The following ATG4C variants were observed in gnomAD, a reference collection of about 807,000 sequenced individuals.
ATG4C encodes the protein autophagy related 4C cysteine peptidase, also known as cysteine protease ATG4C.
A neutral mutation model predicts 57.6 loss-of-function variants in ATG4C; 56 were observed. The ratio of observed to expected loss-of-function variants is 0.97; its 90% CI spans 0.78 to 1.21. The LOEUF (loss-of-function observed/expected upper bound fraction) is 1.21, where lower values mean the gene tolerates loss of function less well. Ranked by LOEUF, ATG4C falls within the 50% of genes most tolerant of loss-of-function variation. The pLI, the probability that ATG4C is intolerant of heterozygous loss-of-function variation, is 0.00. For missense variants in ATG4C, 595 were observed against 529.8 expected (o/e 1.12, Z -1.21); for synonymous variants, 157 against 174.1 (o/e 0.90, Z 0.78).
At chr1:62,824,653 C>T (rs892195668) in intron 6 of ATG4C, among the ~76,000 whole-genome samples, 2 of 148,556 alleles carry the variant, frequency 1.3e-5, no homozygotes, top group African/African-American at 5.0e-5. Flanking sequence ...CTGCTCTTTT[C>T]TCTTTCTCTC....
chr1:62,832,361 A>C (rs1356652679), intron 7 of ATG4C, among the ~76,000 whole-genome samples: 1 of 152,122 alleles, frequency 6.6e-6, no homozygotes, highest in African/African-American at 2.4e-5. Context: ...AGAGAACAGA[A>C]ATTTATTCTC....
intron 3 of ATG4C, among the ~76,000 whole-genome samples, chr1:62,809,511 A>C (rs1664998640): frequency 1.4e-5 from 2 of 147,332 alleles, no homozygotes. Flanking sequence ...ATAGTCTACA[A>C]TTATAATTAT....
In ATG4C at chr1:62,834,021, T is replaced by C; in HGVS notation, c.934-17T>C. The C allele has an allele frequency of 1.9e-6, 3 of 1,606,770 alleles. No individual in the cohort carries two copies. Among genetic ancestry groups the C allele is most frequent in the Non-Finnish European group, 2.6e-6 (3 of 1,176,208 alleles). ...CACTTGCCTCTTGACTAAATCTGTA[T>C]TAATTTTTTTTGGCAGGGTATTTTA... On this transcript the variant is annotated splice_polypyrimidine_tract_variant and intron_variant, in intron 7 of 10. Coordinates refer to ENST00000317868, the MANE Select transcript of ATG4C (RefSeq NM_032852.4).
chr1:62,850,879 TA>T, intron 10 of ATG4C, among the ~76,000 whole-genome samples: 1 of 76,668 alleles, frequency 1.3e-5, no homozygotes, highest in African/African-American at 5.7e-5. Context: ...TATATATATA[TA>T]TATATATATA....
chr1:62,847,776 T>C (rs1166183230), intron 10 of ATG4C, among the ~76,000 whole-genome samples: 1 of 152,120 alleles, frequency 6.6e-6, no homozygotes, highest in African/African-American at 2.4e-5. Flanking sequence ...TTTATTTCGT[T>C]GAAATGGTCA....
chr1:62,856,055 T>C (rs1240743727), intron 10 of ATG4C, among the ~76,000 whole-genome samples: 1 of 152,230 alleles, frequency 6.6e-6, no homozygotes, highest in Non-Finnish European at 1.5e-5. Flanking sequence ...AGGTTTGCTC[T>C]GTAGTCTTAT....
chr1:62,810,681 A>G (rs1418597887), intron 3 of ATG4C, among the ~76,000 whole-genome samples: 1 of 150,948 alleles, frequency 6.6e-6, no homozygotes, highest in Non-Finnish European at 1.5e-5. Context: ...AGTATCAGAT[A>G]GGAAGCTAGC....
chr1:62,853,138 T>C (rs1219807098), intron 10 of ATG4C, among the ~76,000 whole-genome samples: 1 of 152,246 alleles, frequency 6.6e-6, no homozygotes, highest in Non-Finnish European at 1.5e-5. Context: ...AATTTTCCCC[T>C]GAACTTTAGA....
chr1:62,850,854 GTATATATATATATATATATA>G lies in ATG4C; in HGVS notation c.1209+9336_1209+9355del, dbSNP rs1161449502. On this transcript the variant is annotated intron_variant, in intron 10 of 10. Transcript: ENST00000317868. ...CATGTATGTATGTGTGTGTATGTAT[GTATATATATATATATATATA>G]TATATATATATATATATATATATAT... Among the ~76,000 whole-genome samples the G allele has an allele frequency of 9.0e-4, 76 of 84,152 alleles. 1 individual carries two copies. The highest frequency in any genetic ancestry group is 3.6e-3 in the South Asian group (6 of 1,686). The allele number at this position is 84,152 out of a possible 152,430, so 55.2% of individuals were successfully genotyped here.
intron 9 of ATG4C, among the ~76,000 whole-genome samples, chr1:62,838,200 G>A (rs1666054075): frequency 6.6e-6 from 1 of 151,840 alleles, no homozygotes; most frequent in African/African-American, 2.4e-5. Context: ...GAAATAAATG[G>A]GAATTGATTC....
chr1:62,857,101 T>C (rs1469859904), intron 10 of ATG4C, among the ~76,000 whole-genome samples: 10 of 152,148 alleles, frequency 6.6e-5, no homozygotes, highest in Non-Finnish European at 1.5e-4. Context: ...TGGCTCCTTA[T>C]TGTCATTCAC....
chr1:62,828,061 C>T (rs1426897328), intron 6 of ATG4C, among the ~76,000 whole-genome samples: 2 of 151,954 alleles, frequency 1.3e-5, no homozygotes, highest in Non-Finnish European at 2.9e-5. Context: ...GAGATGGGCA[C>T]TTAGGTTGAT....
chr1:62,805,131 A>G, intron 2 of ATG4C, 41 bp from the exon 3 acceptor site: 2 of 1,509,090 alleles, frequency 1.3e-6, no homozygotes, highest in Non-Finnish European at 8.8e-7. Flanking sequence ...GAAATCTTTT[A>G]ATTACAAAAC....
chr1:62,792,762 G>A (rs1285189847), intron 1 of ATG4C, among the ~76,000 whole-genome samples: 1 of 152,158 alleles, frequency 6.6e-6, no homozygotes, highest in Non-Finnish European at 1.5e-5. Flanking sequence ...CAGAGGCTGA[G>A]GGACTGCAGT....
At chr1:62,861,689 A>G (rs988909008) in intron 10 of ATG4C, among the ~76,000 whole-genome samples, 1 of 151,992 alleles carries the variant, frequency 6.6e-6, no homozygotes. Flanking sequence ...ATGTTTTGTT[A>G]TCTTTCAGTC....
intron 6 of ATG4C, among the ~76,000 whole-genome samples, chr1:62,825,055 G>A (rs1665604076): frequency 6.6e-6 from 1 of 152,032 alleles, no homozygotes; most frequent in South Asian, 2.1e-4. Flanking sequence ...GGCCAATATG[G>A]TGAAACCCTA....
chr1:62,854,929 A>G (rs1475839363), intron 10 of ATG4C, among the ~76,000 whole-genome samples: 1 of 152,106 alleles, frequency 6.6e-6, no homozygotes, highest in Non-Finnish European at 1.5e-5. Flanking sequence ...ACGGTTTCCT[A>G]TTTTTAGACT....
At chr1:62,813,568 G>A (rs904355269) in intron 3 of ATG4C, among the ~76,000 whole-genome samples, 6 of 152,108 alleles carry the variant, frequency 3.9e-5, no homozygotes, top group East Asian at 1.9e-4. Context: ...AACACCAAAA[G>A]CAATGGCAAC....
intron 10 of ATG4C, among the ~76,000 whole-genome samples, chr1:62,842,772 A>G (rs6665455): frequency 0.63 from 95,440 of 151,992 alleles, 30,187 homozygotes; most frequent in African/African-American, 0.7. Context: ...AACAAATGAG[A>G]TATGTGGGAA....
Sources: allele counts gnomAD v4.1 joint callset (sites outside exome capture counted in the v4.1 genomes callset), GRCh38; gene constraint gnomAD v4.1.1; transcripts MANE v1.5; gene names NCBI Gene and HGNC (gene_info 2026-07-23, HGNC 2026-07-21).